Variants in ADAMTS12 observed in about 807,000 individuals in gnomAD.
The protein encoded by ADAMTS12 is ADAM metallopeptidase with thrombospondin type 1 motif 12, also known as A disintegrin and metalloproteinase with thrombospondin motifs 12.
A neutral mutation model predicts 167.8 loss-of-function variants in ADAMTS12; 118 were observed. That is an observed-to-expected ratio of 0.70 (90% CI 0.61 to 0.82). The LOEUF is 0.82. Among genes scored for constraint, ADAMTS12 ranks in the 40% least tolerant of loss-of-function variants. The pLI is 0.00. For synonymous variants in ADAMTS12, 704 were observed against 716.9 expected (o/e 0.98, Z 0.29); for missense variants, 1,916 against 1,998.8 (o/e 0.96, Z 0.79).
chr5:33,716,213 A>G (rs1743610743), intron 3 of ADAMTS12, among the ~76,000 whole-genome samples: 1 of 152,116 alleles, frequency 6.6e-6, no homozygotes, highest in Non-Finnish European at 1.5e-5. Flanking sequence ...ATGTGGAGAC[A>G]CAGAGAAATG....
chr5:33,851,304 C>T (rs923193815), intron 2 of ADAMTS12, among the ~76,000 whole-genome samples: 1 of 151,912 alleles, frequency 6.6e-6, no homozygotes, highest in South Asian at 2.1e-4. Flanking sequence ...CCCAGCTACT[C>T]GGGAGGCTGA....
At chr5:33,784,028 C>T (rs563213408) in intron 2 of ADAMTS12, among the ~76,000 whole-genome samples, 2 of 151,742 alleles carry the variant, frequency 1.3e-5, no homozygotes, top group African/African-American at 4.8e-5. Flanking sequence ...TGAGATTTAC[C>T]CATGATTGCA....
chr5:33,724,072 C>A (rs1212847672), intron 3 of ADAMTS12, among the ~76,000 whole-genome samples: 2 of 152,238 alleles, frequency 1.3e-5, no homozygotes, highest in Non-Finnish European at 2.9e-5. Context: ...ACCAAACTCT[C>A]TGGTTCTCTC....
At chr5:33,748,689 T>G (rs1297828912) in intron 3 of ADAMTS12, among the ~76,000 whole-genome samples, 1 of 152,290 alleles carries the variant, frequency 6.6e-6, no homozygotes, top group Middle Eastern at 3.4e-3. Flanking sequence ...GCTCCATATA[T>G]GGTAAAGGTG....
At chr5:33,532,753 A>T (rs2111741783) in intron 23 of ADAMTS12, among the ~76,000 whole-genome samples, 1 of 152,352 alleles carries the variant, frequency 6.6e-6, no homozygotes, top group East Asian at 1.9e-4. Context: ...TTTCTAAAAG[A>T]AGTAAAATGA....
chr5:33,668,229 A>G (rs1196311391), intron 5 of ADAMTS12, among the ~76,000 whole-genome samples: 2 of 152,206 alleles, frequency 1.3e-5, no homozygotes, highest in Non-Finnish European at 2.9e-5. Context: ...AAATCATCTC[A>G]TACAAAGCCT....
At chr5:33,666,372 C>T (rs752442389) in intron 5 of ADAMTS12, among the ~76,000 whole-genome samples, 11 of 152,234 alleles carry the variant, frequency 7.2e-5, no homozygotes, top group Non-Finnish European at 1.5e-4. Context: ...CCCCGTATGG[C>T]CTGTGTTCCA....
intron 18 of ADAMTS12, among the ~76,000 whole-genome samples, chr5:33,577,582 C>T (rs549086878): frequency 2.9e-4 from 44 of 152,216 alleles, no homozygotes; most frequent in Non-Finnish European, 4.6e-4. Context: ...ATATGAAATT[C>T]GGTATAAGGA....
At chr5:33,643,159 T>A (rs1740528440) in intron 10 of ADAMTS12, among the ~76,000 whole-genome samples, 1 of 152,196 alleles carries the variant, frequency 6.6e-6, no homozygotes, top group Non-Finnish European at 1.5e-5. Flanking sequence ...AAGTGAAGTG[T>A]GAAACTGGAC....
chr5:33,648,171 T>C (rs1205326451), intron 9 of ADAMTS12, among the ~76,000 whole-genome samples: 1 of 152,214 alleles, frequency 6.6e-6, no homozygotes, highest in South Asian at 2.1e-4. Flanking sequence ...GGTGGAACTT[T>C]ATCCTGTGGT....
At chr5:33,568,786 C>T (rs1488626417) in intron 19 of ADAMTS12, among the ~76,000 whole-genome samples, 5 of 152,200 alleles carry the variant, frequency 3.3e-5, no homozygotes, top group Admixed American at 6.5e-5. Context: ...CAAAGCAGGG[C>T]GAGGTATTGC....
At chr5:33,560,303 G>GA (rs947716536) in intron 20 of ADAMTS12, among the ~76,000 whole-genome samples, 24 of 150,786 alleles carry the variant, frequency 1.6e-4, no homozygotes, top group South Asian at 1.5e-3. Context: ...CAGAAAGGTA[G>GA]AAAAAAAAAC....
intron 3 of ADAMTS12, among the ~76,000 whole-genome samples, chr5:33,728,226 C>T (rs1430141577): frequency 6.6e-6 from 1 of 152,076 alleles, no homozygotes; most frequent in Non-Finnish European, 1.5e-5. Context: ...GGACATTATC[C>T]CACTCGGGAT....
At chr5:33,739,883 G>A (rs1192040605) in intron 3 of ADAMTS12, among the ~76,000 whole-genome samples, 2 of 152,162 alleles carry the variant, frequency 1.3e-5, no homozygotes, top group African/African-American at 2.4e-5. Context: ...CCAGAAAGAT[G>A]GGTCAAGATC....
intron 7 of ADAMTS12, among the ~76,000 whole-genome samples, chr5:33,653,485 ATTGTCT>A (rs1170171171): frequency 2.6e-5 from 4 of 151,622 alleles, no homozygotes; most frequent in Non-Finnish European, 4.4e-5. Context: ...TCTCTTTTGC[ATTGTCT>A]TTGTCTGAAA....
At position 33,616,006 on chromosome 5, in the gene ADAMTS12, G is replaced by C; in HGVS notation, c.2210C>G (p.Ala737Gly). 2.5e-6 allele frequency: 4 copies of C among 1,614,146 alleles called. No individual in the cohort carries two copies. The highest frequency in any genetic ancestry group is 3.4e-6 in the Non-Finnish European group (4 of 1,180,004). ...RDIRVMEIEG[A>G]GNFLAIRSED... ...ACTCCTGATGGCCAGGAAGTTTCCA[G>C]CTCCCTCAATTTCCATCACTCTTAT... Residue 737 changes from alanine to glycine, a missense_variant, in exon 15 of 24, where the codon GCT becomes GGT. Transcript: ENST00000504830.
chr5:33,875,288 TACAAC>T (rs1750183915), intron 2 of ADAMTS12, among the ~76,000 whole-genome samples: 2 of 152,304 alleles, frequency 1.3e-5, no homozygotes, highest in South Asian at 2.1e-4. Flanking sequence ...CTATAGAATG[TACAAC>T]ACCAAGAGTG....
rs564965269 is a variant in ADAMTS12 at position 33,838,632 on chromosome 5, C to T, written c.489+42487G>A. Among the ~76,000 whole-genome samples the T allele has an allele frequency of 3.3e-5, 5 of 152,084 alleles. No homozygotes were observed. The South Asian group carries it at 6.2e-4, about 19-fold the overall frequency. On this transcript the variant is annotated intron_variant, in intron 2 of 23. Transcript: ENST00000504830. ...GAAAGGCAGAAGTTGCAGTGAGCCG[C>T]GATCGTGCCACTGCGCTCCAGCCTG...
chr5:33,800,471 T>A (rs903060463), intron 2 of ADAMTS12, among the ~76,000 whole-genome samples: 2 of 152,200 alleles, frequency 1.3e-5, no homozygotes, highest in Non-Finnish European at 2.9e-5. Flanking sequence ...CCACAAGATT[T>A]TCTCACAGAA....
Sources: gnomAD v4.1 joint callset for allele counts (sites outside exome capture counted in the v4.1 genomes callset) on GRCh38, gnomAD v4.1.1 for gene constraint, MANE v1.5 for transcripts, NCBI Gene and HGNC (gene_info 2026-07-23, HGNC 2026-07-21) for gene names.